NRG1: variants seen among roughly 807,000 people sequenced by gnomAD.
The protein encoded by NRG1 is pro-neuregulin-1, membrane-bound isoform.
NRG1 carries 18 observed loss-of-function variants against 63.8 expected under a neutral mutation model. The ratio of observed to expected loss-of-function variants is 0.28; its 90% CI spans 0.19 to 0.42. The LOEUF is 0.42. NRG1 is among the 10% of genes least tolerant of loss of function. NRG1 has a pLI of 1.00. For synonymous variants in NRG1, 302 were observed against 301.3 expected, an observed-to-expected ratio of 1.00 and a Z score of -0.02; for missense variants, 762 against 814.7, an observed-to-expected ratio of 0.94 and a Z score of 0.79.
At chr8:32,473,239 T>TA (rs1824071862) in intron 1 of NRG1, among the ~76,000 whole-genome samples, 1 of 152,210 alleles carries the variant, frequency 6.6e-6, no homozygotes. Flanking sequence ...TTTTTAAAAA[T>TA]AGAGTATTTT....
At chr8:32,365,517 A>T (rs1051291084) in intron 1 of NRG1, among the ~76,000 whole-genome samples, 23 of 151,950 alleles carry the variant, frequency 1.5e-4, no homozygotes, top group African/African-American at 5.3e-4. Flanking sequence ...TTTTATTTTG[A>T]TATTTGACCC....
chr8:31,662,686 G>T (rs138145551), intron 1 of NRG1, among the ~76,000 whole-genome samples: 2 of 152,170 alleles, frequency 1.3e-5, no homozygotes, highest in African/African-American at 2.4e-5. Context: ...GAGACTCGTT[G>T]TGTGTCTATT....
chr8:32,210,346 A>G (rs1844567258), intron 1 of NRG1, among the ~76,000 whole-genome samples: 1 of 152,204 alleles, frequency 6.6e-6, no homozygotes, highest in Non-Finnish European at 1.5e-5. Flanking sequence ...TCATCACATC[A>G]TATTGCCTCC....
intron 1 of NRG1, among the ~76,000 whole-genome samples, chr8:31,896,710 A>C (rs941790383): frequency 6.6e-6 from 1 of 152,176 alleles, no homozygotes; most frequent in Non-Finnish European, 1.5e-5. Context: ...CTGGTCTGGC[A>C]TCACACTTTA....
At chr8:31,664,754 G>A (rs1457654217) in intron 1 of NRG1, among the ~76,000 whole-genome samples, 1 of 152,174 alleles carries the variant, frequency 6.6e-6, no homozygotes, top group African/African-American at 2.4e-5. Flanking sequence ...TGTTATTGGA[G>A]AGGGAAAAGG....
intron 1 of NRG1, among the ~76,000 whole-genome samples, chr8:31,740,584 G>T (rs1815160993): frequency 6.6e-6 from 1 of 151,864 alleles, no homozygotes; most frequent in South Asian, 2.1e-4. Context: ...ACAAAAAATT[G>T]CCAAGCTTGA....
At chr8:32,185,067 GCCTGTT>G (rs1841834004) in intron 1 of NRG1, among the ~76,000 whole-genome samples, 1 of 152,082 alleles carries the variant, frequency 6.6e-6, no homozygotes, top group Non-Finnish European at 1.5e-5. Flanking sequence ...TTTTTCCTAA[GCCTGTT>G]TACTCTGGGG....
intron 1 of NRG1, among the ~76,000 whole-genome samples, chr8:32,251,918 C>A (rs1372098324): frequency 6.6e-6 from 1 of 151,854 alleles, no homozygotes; most frequent in Non-Finnish European, 1.5e-5. Flanking sequence ...TCTCTAATGA[C>A]CAGTGATGAT....
intron 11 of NRG1, among the ~76,000 whole-genome samples, chr8:32,761,233 A>G (rs919913783): frequency 1.1e-4 from 16 of 152,228 alleles, no homozygotes; most frequent in African/African-American, 3.6e-4. Context: ...GCCCATCAGT[A>G]AGCTGTTACC....
At chr8:32,516,835 T>A (rs1429095454) in intron 1 of NRG1, among the ~76,000 whole-genome samples, 3 of 152,054 alleles carry the variant, frequency 2.0e-5, no homozygotes, top group Non-Finnish European at 4.4e-5. Context: ...AAGGTAAGAG[T>A]GTCAAATTAT....
At chr8:32,534,184 G>C (rs1831735996) in intron 1 of NRG1, among the ~76,000 whole-genome samples, 1 of 152,150 alleles carries the variant, frequency 6.6e-6, no homozygotes, top group African/African-American at 2.4e-5. Context: ...CCTGGGAAGG[G>C]GAAGAGGATC....
chr8:31,856,215 C>T (rs952393386), intron 1 of NRG1, among the ~76,000 whole-genome samples: 2 of 152,198 alleles, frequency 1.3e-5, no homozygotes, highest in African/African-American at 2.4e-5. Flanking sequence ...TATTTTCCAA[C>T]TTGGTTCCAT....
At chr8:31,947,682 GCCT>G (rs1471880754) in intron 1 of NRG1, among the ~76,000 whole-genome samples, 96 of 152,168 alleles carry the variant, frequency 6.3e-4, no homozygotes, top group African/African-American at 2.3e-3. Flanking sequence ...GGTGGCTCAT[GCCT>G]GTAATCCCAG....
At chr8:32,212,174 T>A (rs959947856) in intron 1 of NRG1, among the ~76,000 whole-genome samples, 4 of 152,158 alleles carry the variant, frequency 2.6e-5, no homozygotes, top group African/African-American at 9.7e-5. Context: ...GATTCATTTT[T>A]CCTGCCCCAC....
intron 1 of NRG1, among the ~76,000 whole-genome samples, chr8:32,021,239 T>C (rs1816388897): frequency 6.6e-6 from 1 of 152,172 alleles, no homozygotes; most frequent in African/African-American, 2.4e-5. Context: ...GAAGTTTGTT[T>C]AGCTCACAGT....
intron 1 of NRG1, among the ~76,000 whole-genome samples, chr8:32,538,602 C>T (rs181004811): frequency 6.6e-6 from 1 of 152,156 alleles, no homozygotes; most frequent in East Asian, 1.9e-4. Flanking sequence ...ATAGCTAATA[C>T]AGCTGCAGAG....
intron 7 of NRG1, among the ~76,000 whole-genome samples, chr8:32,753,591 G>T (rs1335876971): frequency 6.6e-6 from 1 of 152,082 alleles, no homozygotes; most frequent in Non-Finnish European, 1.5e-5. Flanking sequence ...ACAATTGGTG[G>T]AGTAGTTAGA....
intron 1 of NRG1, among the ~76,000 whole-genome samples, chr8:32,416,257 G>C (rs993068329): frequency 6.6e-6 from 1 of 152,112 alleles, no homozygotes; most frequent in Non-Finnish European, 1.5e-5. Flanking sequence ...CCCTGGCAAA[G>C]TTGGTAATTG....
intron 5 of NRG1, among the ~76,000 whole-genome samples, chr8:32,632,126 G>A (rs1563810186): frequency 6.6e-6 from 1 of 152,170 alleles, no homozygotes; most frequent in African/African-American, 2.4e-5. Flanking sequence ...AGAGAAAATA[G>A]TATTTAAACA....
Sources: allele counts gnomAD v4.1 joint callset (sites outside exome capture counted in the v4.1 genomes callset), GRCh38; gene constraint gnomAD v4.1.1; transcripts MANE v1.5; gene names NCBI Gene and HGNC (gene_info 2026-07-23, HGNC 2026-07-21).